Variants in KIAA1549L observed in about 807,000 individuals in gnomAD.
The protein encoded by KIAA1549L is KIAA1549 like.
Under a neutral mutation model 160.7 loss-of-function variants are expected in KIAA1549L, and 88 were observed. That is an observed-to-expected ratio of 0.55 (90% CI 0.46 to 0.65). KIAA1549L has a LOEUF of 0.65. Among genes scored for constraint, KIAA1549L ranks in the 30% least tolerant of loss-of-function variants. The pLI is 0.00. For synonymous variants in KIAA1549L, 950 were observed against 976.7 expected (o/e 0.97, Z 0.51); for missense variants, 2,258 against 2,437.5 (o/e 0.93, Z 1.55).
chr11:33,507,816 G>A (rs1197242067), intron 1 of KIAA1549L, among the ~76,000 whole-genome samples: 1 of 152,148 alleles, frequency 6.6e-6, no homozygotes, highest in Non-Finnish European at 1.5e-5. Flanking sequence ...ATTGATATAT[G>A]ACTCTGTTAG....
chr11:33,634,365 G>A (rs2133382060), intron 16 of KIAA1549L, among the ~76,000 whole-genome samples: 1 of 152,250 alleles, frequency 6.6e-6, no homozygotes, highest in South Asian at 2.1e-4. Flanking sequence ...TCTGAATTGT[G>A]TCACACACCA....
intron 16 of KIAA1549L, among the ~76,000 whole-genome samples, chr11:33,641,704 G>A (rs1399752876): frequency 6.8e-6 from 1 of 147,296 alleles, no homozygotes; most frequent in Non-Finnish European, 1.5e-5. Flanking sequence ...GCTAATTATG[G>A]GGAACACATT....
At chr11:33,431,978 C>T (rs576209502) in intron 1 of KIAA1549L, among the ~76,000 whole-genome samples, 126 of 152,370 alleles carry the variant, frequency 8.3e-4, no homozygotes, top group Non-Finnish European at 1.6e-3. Flanking sequence ...TCCGTAGCCA[C>T]TGGCCCGGGT....
chr11:33,603,519 A>G (rs1850417015), intron 13 of KIAA1549L, among the ~76,000 whole-genome samples: 1 of 152,170 alleles, frequency 6.6e-6, no homozygotes, highest in Non-Finnish European at 1.5e-5. Context: ...CAAGAAGGCC[A>G]CTGTGGGCCG....
intron 6 of KIAA1549L, among the ~76,000 whole-genome samples, chr11:33,559,085 A>C (rs1854750542): frequency 6.6e-6 from 1 of 151,890 alleles, no homozygotes; most frequent in African/African-American, 2.4e-5. Context: ...TGATCTGCCT[A>C]CGTTGGCCTC....
At chr11:33,603,358 GGATTA>G (rs1457098407) in intron 13 of KIAA1549L, among the ~76,000 whole-genome samples, 2 of 151,830 alleles carry the variant, frequency 1.3e-5, no homozygotes, top group African/African-American at 2.4e-5. Context: ...AATGAAGGGG[GGATTA>G]GATTGTTGGT....
At chr11:33,560,565 A>G (rs1215232141) in intron 7 of KIAA1549L, among the ~76,000 whole-genome samples, 6 of 152,170 alleles carry the variant, frequency 3.9e-5, no homozygotes, top group Non-Finnish European at 8.8e-5. Context: ...TTTCAGTTAC[A>G]TTATCCTCAT....
At chr11:33,623,814 C>G (rs1280571354) in intron 16 of KIAA1549L, among the ~76,000 whole-genome samples, 5 of 152,240 alleles carry the variant, frequency 3.3e-5, no homozygotes, top group Non-Finnish European at 7.4e-5. Flanking sequence ...ATTTCCCTCC[C>G]CTATAGGCAA....
chr11:33,595,554 A>G (rs986634903), intron 12 of KIAA1549L, among the ~76,000 whole-genome samples: 1 of 152,222 alleles, frequency 6.6e-6, no homozygotes, highest in African/African-American at 2.4e-5. Context: ...GCATAAAAAT[A>G]TAATTTTACT....
At chr11:33,646,326 G>A (rs917103587) in intron 17 of KIAA1549L, among the ~76,000 whole-genome samples, 6 of 152,060 alleles carry the variant, frequency 3.9e-5, no homozygotes, top group Middle Eastern at 3.2e-3. Flanking sequence ...TATTCTTCAC[G>A]CACTGGTGGT....
chr11:33,547,155 A>G (rs1399153695), intron 3 of KIAA1549L, among the ~76,000 whole-genome samples: 1 of 152,230 alleles, frequency 6.6e-6, no homozygotes, highest in Non-Finnish European at 1.5e-5. Flanking sequence ...CCTCCTTGTC[A>G]GATTTCACTC....
At chr11:33,593,071 A>G (rs560453414) in intron 12 of KIAA1549L, among the ~76,000 whole-genome samples, 1 of 152,280 alleles carries the variant, frequency 6.6e-6, no homozygotes, top group South Asian at 2.1e-4. Flanking sequence ...TTTATTGTGA[A>G]TAAAGATCAG....
At chr11:33,537,991 G>A (rs1020881457) in intron 1 of KIAA1549L, among the ~76,000 whole-genome samples, 2 of 152,160 alleles carry the variant, frequency 1.3e-5, no homozygotes, top group African/African-American at 4.8e-5. Context: ...AGACATACCC[G>A]AGACTGGGTA....
In KIAA1549L at chr11:33,669,880, T is replaced by C. The variant is rs1852614122; in HGVS notation, c.*1726T>C. On this transcript the variant is annotated 3_prime_UTR_variant, in exon 21 of 21. Coordinates refer to ENST00000658780, the MANE Select transcript of KIAA1549L (RefSeq NM_012194.3). ...TTTTAGTATGCTGGTTGATCTTTCA[T>C]AGTGTTAGTGTTTTGTTACTTAAAA... The C allele has an allele frequency of 6.6e-6, 1 of 152,226 alleles. No homozygotes were observed. The highest frequency in any genetic ancestry group is 2.4e-5 in the African/African-American group (1 of 41,452). The allele number at this position is 152,226 out of a possible 1,614,324, so 9.4% of individuals were successfully genotyped here. A position where few individuals can be genotyped will look rare whatever the true frequency, so the allele number is the denominator to read the frequency against.
chr11:33,530,614 AC>A (rs1043344139), intron 1 of KIAA1549L, among the ~76,000 whole-genome samples: 14 of 150,408 alleles, frequency 9.3e-5, no homozygotes, highest in South Asian at 4.2e-4. Flanking sequence ...AGAGAGAAGA[AC>A]CCCCCTAAGT....
intron 1 of KIAA1549L, among the ~76,000 whole-genome samples, chr11:33,477,610 G>A (rs1219354536): frequency 6.6e-6 from 1 of 151,612 alleles, no homozygotes; most frequent in South Asian, 2.1e-4. Flanking sequence ...CCTTGTTAAG[G>A]TGCCATTTGC....
intron 1 of KIAA1549L, among the ~76,000 whole-genome samples, chr11:33,454,181 A>G (rs1851776054): frequency 6.6e-6 from 1 of 152,212 alleles, no homozygotes; most frequent in Non-Finnish European, 1.5e-5. Context: ...GATGAATTTC[A>G]AGAGGTCCCA....
At chr11:33,479,087 G>C (rs1365952039) in intron 1 of KIAA1549L, among the ~76,000 whole-genome samples, 1 of 216 alleles carries the variant, frequency 4.6e-3, no homozygotes, top group Non-Finnish European at 8.8e-3. Context: ...CATATCTTCA[G>C]ATATTTTTTC....
At chr11:33,552,686 A>G (rs896208489) in intron 6 of KIAA1549L, among the ~76,000 whole-genome samples, 2 of 148,664 alleles carry the variant, frequency 1.3e-5, no homozygotes, top group Non-Finnish European at 3.0e-5. Context: ...ACACACACAC[A>G]CACACACACA....
Sources: gnomAD v4.1 joint callset for allele counts (sites outside exome capture counted in the v4.1 genomes callset) on GRCh38, gnomAD v4.1.1 for gene constraint, MANE v1.5 for transcripts, NCBI Gene and HGNC (gene_info 2026-07-23, HGNC 2026-07-21) for gene names.